The following HPSE2 variants were observed in gnomAD, a reference collection of about 807,000 sequenced individuals.
HPSE2 encodes the protein heparanase 2 (inactive).
HPSE2 carries 38 observed loss-of-function variants against 60.5 expected under a neutral mutation model. That is an observed-to-expected ratio of 0.63 (90% CI 0.48 to 0.82). The LOEUF is 0.82. HPSE2 is among the 40% of genes least tolerant of loss of function. The probability of loss-of-function intolerance (pLI) is 0.00; values close to 1 mark genes in which losing one functional copy is unlikely to be tolerated. For missense variants in HPSE2, 713 were observed against 740.4 expected (o/e 0.96, Z 0.43); for synonymous variants, 295 against 293.2 (o/e 1.01, Z -0.06).
chr10:98,895,373 T>C (rs770115535), intron 3 of HPSE2, among the ~76,000 whole-genome samples: 3 of 152,182 alleles, frequency 2.0e-5, no homozygotes, highest in Non-Finnish European at 2.9e-5. Flanking sequence ...ATGATCACAG[T>C]AGAATAAATT....
At chr10:98,844,771 T>C (rs990852873) in intron 3 of HPSE2, among the ~76,000 whole-genome samples, 4 of 152,198 alleles carry the variant, frequency 2.6e-5, no homozygotes, top group Non-Finnish European at 5.9e-5. Flanking sequence ...TTCTAATATT[T>C]AAACTTTATA....
rs113601526 is a variant in HPSE2 at position 98,709,031 on chromosome 10, T to A, written c.956+12626A>T. Among the ~76,000 whole-genome samples, 961 of 152,336 alleles carry A rather than the reference T, an allele frequency of 6.3e-3. 12 individuals carry two copies. The highest frequency in any genetic ancestry group is 0.011 in the Non-Finnish European group (731 of 68,028). On this transcript the variant is annotated intron_variant, in intron 5 of 11. Transcript: ENST00000370552. The stretch of plus-strand genomic sequence containing the variant: ...TATGCAGAAATCTATACCATTCCTA[T>A]ACTCCATTTTTATATCTGTATTGAC...
rs147796385 is a variant in HPSE2 at position 98,727,524 on chromosome 10, G to A, written c.785-5696C>T. ...AAATTAGCTGGGCATGGTGGTATGC[G>A]CCCATAGTCCCAGATACTTGGCTTG... On this transcript the variant is annotated intron_variant, in intron 4 of 11. Transcript: ENST00000370552. Among the ~76,000 whole-genome samples the A allele has an allele frequency of 2.9e-3, 443 of 152,038 alleles. 4 individuals carry two copies. Among genetic ancestry groups the A allele is most frequent in the African/African-American group, 0.01 (418 of 41,486 alleles).
chr10:99,255,202 A>G, the HPSE2 span, among the ~76,000 whole-genome samples: 233 of 152,332 alleles, frequency 1.5e-3, no homozygotes, highest in African/African-American at 5.3e-3. Context: ...CGTCTATCAA[A>G]TCACTAAAAG....
At chr10:98,907,859 T>A (rs1953867090) in intron 3 of HPSE2, among the ~76,000 whole-genome samples, 1 of 152,198 alleles carries the variant, frequency 6.6e-6, no homozygotes, top group Non-Finnish European at 1.5e-5. Context: ...CAACAAACTA[T>A]AATTTCCTTT....
chr10:99,314,388 C>T, the HPSE2 span, among the ~76,000 whole-genome samples: 3 of 152,152 alleles, frequency 2.0e-5, no homozygotes, highest in African/African-American at 7.2e-5. Flanking sequence ...GTCTTGAACT[C>T]GTGAACTCAA....
chr10:98,866,261 A>T (rs991781050), intron 3 of HPSE2, among the ~76,000 whole-genome samples: 4 of 152,130 alleles, frequency 2.6e-5, no homozygotes, highest in Non-Finnish European at 4.4e-5. Flanking sequence ...TAGATTAGAC[A>T]ATGCAAGAGA....
chr10:98,963,611 A>G (rs1035963178), intron 3 of HPSE2, among the ~76,000 whole-genome samples: 5 of 152,192 alleles, frequency 3.3e-5, no homozygotes, highest in Non-Finnish European at 7.4e-5. Context: ...AGCCACATGA[A>G]TGAAAAGTAA....
chr10:98,671,192 G>A (rs1186659364), intron 6 of HPSE2, among the ~76,000 whole-genome samples: 1 of 151,934 alleles, frequency 6.6e-6, no homozygotes. Flanking sequence ...TAGAAGAAAG[G>A]GTTCTACACG....
chr10:99,295,518 A>G, the HPSE2 span, among the ~76,000 whole-genome samples: 1 of 152,216 alleles, frequency 6.6e-6, no homozygotes, highest in African/African-American at 2.4e-5. Flanking sequence ...ACTAAGTAAA[A>G]CAAGACTGAA....
intron 3 of HPSE2, among the ~76,000 whole-genome samples, chr10:99,118,751 T>G (rs551150945): frequency 6.6e-6 from 1 of 152,056 alleles, no homozygotes; most frequent in African/African-American, 2.4e-5. Context: ...GTGTGGTGGC[T>G]CACGCCTGTA....
chr10:98,873,480 A>C (rs558873577), intron 3 of HPSE2, among the ~76,000 whole-genome samples: 1 of 152,118 alleles, frequency 6.6e-6, no homozygotes, highest in East Asian at 1.9e-4. Context: ...TTACTGTGTT[A>C]GTTTGCTGAG....
chr10:99,123,681 T>C (rs1845050884), intron 3 of HPSE2, among the ~76,000 whole-genome samples: 1 of 152,138 alleles, frequency 6.6e-6, no homozygotes, highest in South Asian at 2.1e-4. Flanking sequence ...CTTTATTGAG[T>C]GACTATACAG....
chr10:99,001,368 A>AT (rs1385826165), intron 3 of HPSE2, among the ~76,000 whole-genome samples: 1 of 152,078 alleles, frequency 6.6e-6, no homozygotes, highest in Non-Finnish European at 1.5e-5. Context: ...ATTTACCAAT[A>AT]AAATAAGCTT....
At chr10:98,972,505 T>G (rs1023136084) in intron 3 of HPSE2, among the ~76,000 whole-genome samples, 3 of 152,180 alleles carry the variant, frequency 2.0e-5, no homozygotes, top group Admixed American at 6.5e-5. Context: ...TTCTATTAAC[T>G]TTATAGACTT....
intron 3 of HPSE2, among the ~76,000 whole-genome samples, chr10:99,035,396 C>A (rs1222308800): frequency 6.6e-6 from 1 of 152,136 alleles, no homozygotes; most frequent in Non-Finnish European, 1.5e-5. Flanking sequence ...AGAAGGTGTT[C>A]AGGGGCAATA....
intron 3 of HPSE2, among the ~76,000 whole-genome samples, chr10:98,991,760 CAAA>C (rs201547025): frequency 6.7e-6 from 1 of 148,544 alleles, no homozygotes; most frequent in Admixed American, 6.7e-5. Context: ...GCGTGGTGGA[CAAA>C]AAAAAACAGT....
chr10:99,235,502 C>A lies in HPSE2; in HGVS notation c.290+11G>T, dbSNP rs1352776243. On this transcript the variant is annotated intron_variant, in intron 1 of 11. Coordinates refer to ENST00000370552, the MANE Select transcript of HPSE2 (RefSeq NM_021828.5). ...AAAATTTTAAATGATCCATCGAAAC[C>A]CCTGCCTTACCTTAGGAAATCGAGC... 1.2e-6 allele frequency: 2 copies of A among 1,613,900 alleles called. No homozygotes were observed. The highest frequency in any genetic ancestry group is 1.1e-5 in the South Asian group (1 of 91,054).
At chr10:98,917,622 C>T (rs1019534909) in intron 3 of HPSE2, among the ~76,000 whole-genome samples, 1 of 152,176 alleles carries the variant, frequency 6.6e-6, no homozygotes, top group South Asian at 2.1e-4. Flanking sequence ...ATTTAAGTCA[C>T]CCAGTTTGGT....
Sources: allele counts gnomAD v4.1 joint callset (sites outside exome capture counted in the v4.1 genomes callset), GRCh38; gene constraint gnomAD v4.1.1; transcripts MANE v1.5; gene names NCBI Gene and HGNC (gene_info 2026-07-23, HGNC 2026-07-21).